STK31: variants seen among roughly 807,000 people sequenced by gnomAD.
STK31 encodes serine/threonine-protein kinase 31.
Under a neutral mutation model 129.7 loss-of-function variants are expected in STK31, and 89 were observed. The observed-to-expected ratio is 0.69, with a 90% confidence interval of 0.58 to 0.82. The LOEUF (loss-of-function observed/expected upper bound fraction) is 0.82, where lower values mean the gene tolerates loss of function less well. Among genes scored for constraint, STK31 ranks in the 40% least tolerant of loss-of-function variants. The pLI, the probability that STK31 is intolerant of heterozygous loss-of-function variation, is 0.00. For synonymous variants in STK31, 448 were observed against 395.3 expected, an observed-to-expected ratio of 1.13 and a Z score of -1.58; for missense variants, 1,187 against 1,176.4, an observed-to-expected ratio of 1.01 and a Z score of -0.13.
chr7:23,808,165 A>T (rs765610941), intron 22 of STK31, among the ~76,000 whole-genome samples: 1,388 of 119,492 alleles, frequency 0.012, 15 homozygotes, highest in African/African-American at 0.024. Flanking sequence ...ATATATATAT[A>T]TATATTTTTT....
At chr7:23,779,536 C>A (rs1006710935) in intron 15 of STK31, among the ~76,000 whole-genome samples, 3 of 152,180 alleles carry the variant, frequency 2.0e-5, no homozygotes, top group Non-Finnish European at 4.4e-5. Flanking sequence ...AGATGCCCTG[C>A]CCAGAAAGGA....
At chr7:23,721,865 A>G (rs1039576499) in intron 4 of STK31, 8 of 462,282 alleles carry the variant, frequency 1.7e-5, no homozygotes, top group Admixed American at 3.2e-5. Context: ...ACTTGATCAA[A>G]TCAGCTACTG....
chr7:23,810,724 TAAAATA>T, intron 22 of STK31, among the ~76,000 whole-genome samples: 1 of 33,528 alleles, frequency 3.0e-5, no homozygotes, highest in Non-Finnish European at 6.9e-5. Context: ...TAGATATATA[TAAAATA>T]GATATATATA....
At chr7:23,807,675 A>G (rs1584479571) in intron 22 of STK31, among the ~76,000 whole-genome samples, 1 of 151,770 alleles carries the variant, frequency 6.6e-6, no homozygotes, top group East Asian at 1.9e-4. Flanking sequence ...CTGATTATAC[A>G]AATTTTCTGT....
At chr7:23,800,696 A>G (rs891343452) in intron 22 of STK31, among the ~76,000 whole-genome samples, 3 of 152,174 alleles carry the variant, frequency 2.0e-5, no homozygotes, top group Non-Finnish European at 4.4e-5. Flanking sequence ...ATGTATACCT[A>G]TGTAGCAAGC....
chr7:23,765,999 A>G (rs1346831908), intron 11 of STK31, among the ~76,000 whole-genome samples: 3 of 152,236 alleles, frequency 2.0e-5, no homozygotes, highest in Non-Finnish European at 4.4e-5. Context: ...AGCTCAGTTA[A>G]ATAGACTTTA....
At chr7:23,755,026 T>C (rs1788975693) in intron 10 of STK31, 1 of 152,204 alleles carries the variant, frequency 6.6e-6, no homozygotes, top group East Asian at 1.9e-4. Flanking sequence ...GTAATGATAT[T>C]GCTGGGTCAA....
At chr7:23,761,683 C>T (rs1562580493) in intron 10 of STK31, among the ~76,000 whole-genome samples, 1 of 151,422 alleles carries the variant, frequency 6.6e-6, no homozygotes, top group Admixed American at 6.6e-5. Flanking sequence ...GCTGGGATTA[C>T]AGGCGTGGGC....
chr7:23,807,868 T>A (rs1053979713), intron 22 of STK31, among the ~76,000 whole-genome samples: 1 of 152,078 alleles, frequency 6.6e-6, no homozygotes, highest in African/African-American at 2.4e-5. Context: ...ACTGTTTTTC[T>A]GTTATAAAAT....
At chr7:23,828,388 C>T (rs576535297) in intron 23 of STK31, among the ~76,000 whole-genome samples, 22 of 152,346 alleles carry the variant, frequency 1.4e-4, no homozygotes, top group Admixed American at 4.6e-4. Flanking sequence ...TAGGACCTTC[C>T]GAGCCATGTG....
intron 21 of STK31, among the ~76,000 whole-genome samples, chr7:23,790,372 A>G (rs1465046652): frequency 6.6e-6 from 1 of 152,210 alleles, no homozygotes; most frequent in Non-Finnish European, 1.5e-5. Context: ...CTGCCTGAAT[A>G]TAGGATTCAT....
At chr7:23,818,777 A>G (rs953176214) in intron 23 of STK31, among the ~76,000 whole-genome samples, 1 of 152,038 alleles carries the variant, frequency 6.6e-6, no homozygotes, top group Non-Finnish European at 1.5e-5. Context: ...GTCACATGCC[A>G]CCACACCTGG....
chr7:23,780,380 A>G (rs924723420), intron 15 of STK31, among the ~76,000 whole-genome samples: 1 of 152,324 alleles, frequency 6.6e-6, no homozygotes, highest in East Asian at 1.9e-4. Flanking sequence ...TGTTTTGCCA[A>G]GGTTAAGGAT....
intron 15 of STK31, among the ~76,000 whole-genome samples, chr7:23,773,288 C>T (rs373488208): frequency 1.3e-4 from 20 of 152,158 alleles, no homozygotes; most frequent in East Asian, 5.8e-4. Context: ...TGAGAACATG[C>T]GGTGTTTGGT....
intron 7 of STK31, 126 bp downstream of exon 7, chr7:23,736,022 A>G (rs187664614): frequency 8.0e-4 from 593 of 741,980 alleles, no homozygotes; most frequent in Non-Finnish European, 1.1e-3. Flanking sequence ...TGATGCTGAT[A>G]TTTCTGTTTT....
chr7:23,750,996 T>G (rs1264960479), intron 8 of STK31, among the ~76,000 whole-genome samples: 1 of 152,212 alleles, frequency 6.6e-6, no homozygotes, highest in Non-Finnish European at 1.5e-5. Flanking sequence ...TGTTTGTACT[T>G]ATTAACCAAA....
At chr7:23,727,105 T>C in intron 4 of STK31, 136 bp from the exon 5 acceptor site, 2 of 697,158 alleles carry the variant, frequency 2.9e-6, no homozygotes, top group Non-Finnish European at 4.9e-6. Flanking sequence ...ACCTGCCTGA[T>C]AGGATTGTGA....
intron 11 of STK31, among the ~76,000 whole-genome samples, chr7:23,765,273 C>T (rs1307527157): frequency 1.3e-5 from 2 of 151,942 alleles, no homozygotes; most frequent in African/African-American, 4.8e-5. Flanking sequence ...AGGGTGGGCT[C>T]GAACTCCTGA....
chr7:23,801,230 C>T (rs1057127486), intron 22 of STK31, among the ~76,000 whole-genome samples: 1 of 152,134 alleles, frequency 6.6e-6, no homozygotes, highest in African/African-American at 2.4e-5. Context: ...TTGTTATTAT[C>T]TTCTATTTTA....
Sources: gnomAD v4.1 joint callset for allele counts (sites outside exome capture counted in the v4.1 genomes callset) on GRCh38, gnomAD v4.1.1 for gene constraint, MANE v1.5 for transcripts, NCBI Gene and HGNC (gene_info 2026-07-23, HGNC 2026-07-21) for gene names.